Variants in PCDHA2 observed in about 807,000 individuals in gnomAD.
PCDHA2 encodes the protein protocadherin alpha 2.
PCDHA2 carries 58 observed loss-of-function variants against 66.0 expected under a neutral mutation model. The ratio of observed to expected loss-of-function variants is 0.88; its 90% CI spans 0.71 to 1.09. The LOEUF is 1.09. Ranked by LOEUF, PCDHA2 falls within the 50% of genes least tolerant of loss-of-function variation. The probability of loss-of-function intolerance (pLI) is 0.00; values close to 1 mark genes in which losing one functional copy is unlikely to be tolerated. For synonymous variants in PCDHA2, 634 were observed against 554.0 expected, an observed-to-expected ratio of 1.14 and a Z score of -2.03; for missense variants, 1,267 against 1,242.3, an observed-to-expected ratio of 1.02 and a Z score of -0.30.
At chr5:140,908,578 GTAGT>G (rs1554193408) in intron 1 of PCDHA2, among the ~76,000 whole-genome samples, 1 of 152,196 alleles carries the variant, frequency 6.6e-6, no homozygotes, top group African/African-American at 2.4e-5. Flanking sequence ...CAAAAGGAGA[GTAGT>G]TAGCTGCAGA....
intron 1 of PCDHA2, among the ~76,000 whole-genome samples, chr5:140,910,092 C>T (rs1554194118): frequency 6.6e-6 from 1 of 152,170 alleles, no homozygotes; most frequent in African/African-American, 2.4e-5. Context: ...GGGGAACCAG[C>T]CTCCCCTTCA....
At chr5:140,997,688 G>C (rs1232415745) in intron 3 of PCDHA2, among the ~76,000 whole-genome samples, 1 of 151,990 alleles carries the variant, frequency 6.6e-6, no homozygotes, top group Non-Finnish European at 1.5e-5. Context: ...GTGTGTGTGT[G>C]TGTGTGTGTA....
chr5:140,928,461 C>T, intron 1 of PCDHA2: 2 of 1,614,108 alleles, frequency 1.2e-6, no homozygotes, highest in Non-Finnish European at 1.7e-6. Context: ...GGTTTCATTT[C>T]CAAGTAGAAG....
At chr5:140,992,761 A>G (rs1400429465) in intron 3 of PCDHA2, among the ~76,000 whole-genome samples, 1 of 152,180 alleles carries the variant, frequency 6.6e-6, no homozygotes, top group African/African-American at 2.4e-5. Flanking sequence ...TGTTGGGGAT[A>G]GGAGGGTGGG....
At chr5:140,941,196 TTTCTTC>T (rs1563183935) in intron 1 of PCDHA2, among the ~76,000 whole-genome samples, 3 of 111,280 alleles carry the variant, frequency 2.7e-5, no homozygotes, top group East Asian at 2.3e-4. Context: ...TTTTTTTTTC[TTTCTTC>T]CTTTCTTTCT....
chr5:141,009,732 A>G lies in PCDHA2; in HGVS notation c.2642A>G (p.Glu881Gly). ...AACCCCAAACAATCCGGTCCCGGTG[A>G]GTTGCCCGACAAATTCATTATCCCA... is the stretch of plus-strand genomic sequence containing the variant. Reference protein sequence around the residue: ...PGNPKQSGPGELPDKFIIPGS... With the variant: ...PGNPKQSGPGGLPDKFIIPGS... Residue 881 changes from glutamate to glycine, a missense_variant, in exon 4 of 4, where the codon GAG becomes GGG. Transcript: ENST00000526136. The G allele has an allele frequency of 6.2e-7, 1 of 1,614,168 alleles. No individual in the cohort carries two copies. Among genetic ancestry groups the G allele is most frequent in the Non-Finnish European group, 8.5e-7 (1 of 1,180,032 alleles).
intron 1 of PCDHA2, among the ~76,000 whole-genome samples, chr5:140,798,609 C>T (rs768815171): frequency 1.1e-4 from 17 of 152,144 alleles, no homozygotes; most frequent in Admixed American, 2.0e-4. Context: ...TAATTCTATG[C>T]GTGGGAATAC....
chr5:140,923,275 CA>C (rs1328074482), intron 1 of PCDHA2, among the ~76,000 whole-genome samples: 2 of 152,128 alleles, frequency 1.3e-5, no homozygotes, highest in Admixed American at 1.3e-4. Context: ...CTTGTCTCTA[CA>C]AAAAATTAAA....
At chr5:140,850,686 G>C (rs2150493966) in intron 1 of PCDHA2, 4 of 1,598,520 alleles carry the variant, frequency 2.5e-6, no homozygotes, top group Non-Finnish European at 3.4e-6. Flanking sequence ...CACCGAGGGC[G>C]AGTGCGCGCC....
intron 1 of PCDHA2, among the ~76,000 whole-genome samples, chr5:140,970,887 G>A (rs2096441583): frequency 6.6e-6 from 1 of 152,118 alleles, no homozygotes; most frequent in Non-Finnish European, 1.5e-5. Context: ...TTTTCTCATG[G>A]ACATTTCAGA....
chr5:140,821,597 A>G, intron 1 of PCDHA2: 1 of 699,876 alleles, frequency 1.4e-6, no homozygotes. Context: ...CCCAGCCTCA[A>G]AGGAATACAG....
Position 140,796,382 on chromosome 5 carries a change from A to C in PCDHA2, c.1418A>C (p.His473Pro). 1 of 1,613,626 alleles carries C rather than the reference A, an allele frequency of 6.2e-7. No homozygotes were observed. Among genetic ancestry groups the C allele is most frequent in the Non-Finnish European group, 8.5e-7 (1 of 1,179,874 alleles). Residue 473 changes from histidine (H) to proline (P), a missense_variant, in exon 1 of 4, where the codon CAC (histidine) becomes CCC (proline). Transcript: ENST00000526136. ...FVKENNPPGCHIFTVSAWDAD... is the reference protein window; with the variant it reads ...FVKENNPPGCPIFTVSAWDAD... ...AAGGAGAACAACCCGCCGGGCTGCC[A>C]CATCTTCACGGTGTCAGCGTGGGAT...
chr5:140,993,454 T>G (rs1343043993), intron 3 of PCDHA2, among the ~76,000 whole-genome samples: 1 of 133,974 alleles, frequency 7.5e-6, no homozygotes, highest in Non-Finnish European at 1.6e-5. Flanking sequence ...GTTCTCCTTC[T>G]TTCTTTCTCA....
At chr5:140,803,452 A>G (rs1763203863) in intron 1 of PCDHA2, 2 of 1,614,226 alleles carry the variant, frequency 1.2e-6, no homozygotes, top group East Asian at 4.5e-5. Context: ...TCATACTCGC[A>G]GCAGAGGCAG....
intron 1 of PCDHA2, among the ~76,000 whole-genome samples, chr5:140,915,048 C>T (rs782399136): frequency 2.0e-5 from 3 of 151,284 alleles, no homozygotes; most frequent in East Asian, 1.9e-4. Context: ...TGGGTTCAAG[C>T]GATTCTCCTG....
rs373724860 is a variant in PCDHA2, at chr5:140,796,269, G to A, written c.1305G>A (p.Leu435=). The A allele has an allele frequency of 1.2e-5, 20 of 1,613,998 alleles. No homozygotes were observed. The highest frequency in any genetic ancestry group is 1.6e-5 in the Non-Finnish European group (19 of 1,180,062). The change falls in exon 1 of 4, where the codon CTG becomes CTA. Residue 435 remains leucine, a synonymous_variant. Coordinates refer to ENST00000526136, the MANE Select transcript of PCDHA2 (RefSeq NM_018905.3). ...VTARDGGSPS[L]WATTSVSIEV... ...CACGGGACGGGGGCTCGCCTTCACT[G>A]TGGGCCACCACCAGCGTGTCCATCG...
At chr5:140,941,523 A>T (rs1351933430) in intron 1 of PCDHA2, among the ~76,000 whole-genome samples, 1 of 151,186 alleles carries the variant, frequency 6.6e-6, no homozygotes, top group Non-Finnish European at 1.5e-5. Flanking sequence ...CACCATCTTG[A>T]CCAGGCTGGT....
At chr5:140,943,063 C>T (rs1461337774) in intron 1 of PCDHA2, among the ~76,000 whole-genome samples, 1 of 151,748 alleles carries the variant, frequency 6.6e-6, no homozygotes, top group Admixed American at 6.6e-5. Context: ...TCAAGAACAG[C>T]CTGACCAACA....
chr5:140,968,221 T>C, intron 1 of PCDHA2: 1 of 1,613,918 alleles, frequency 6.2e-7, no homozygotes, highest in Admixed American at 1.7e-5. Context: ...ATTTGCCAGG[T>C]GTGTTGCTCT....
Sources: allele counts gnomAD v4.1 joint callset (sites outside exome capture counted in the v4.1 genomes callset), GRCh38; gene constraint gnomAD v4.1.1; transcripts MANE v1.5; gene names NCBI Gene and HGNC (gene_info 2026-07-23, HGNC 2026-07-21).